Variants in MTDH observed in about 807,000 individuals in gnomAD.
MTDH encodes the protein metadherin.
MTDH carries 34 observed loss-of-function variants against 72.7 expected under a neutral mutation model. That is an observed-to-expected ratio of 0.47 (90% confidence interval 0.36 to 0.62). MTDH has a LOEUF of 0.62. MTDH is among the 20% of genes least tolerant of loss of function. The pLI is 0.00. For synonymous variants in MTDH, 266 were observed against 268.9 expected (o/e 0.99, Z 0.10); for missense variants, 677 against 699.4 (o/e 0.97, Z 0.36).
chr8:97,657,789 G>A (rs1412480398), intron 1 of MTDH, among the ~76,000 whole-genome samples: 2 of 152,146 alleles, frequency 1.3e-5, no homozygotes, highest in African/African-American at 2.4e-5. Context: ...AATTACAGCC[G>A]TGAGCCACTG....
At chr8:97,656,494 G>A (rs1811981880) in intron 1 of MTDH, among the ~76,000 whole-genome samples, 3 of 150,904 alleles carry the variant, frequency 2.0e-5, no homozygotes. Context: ...GTAGAGACGG[G>A]GTTTCACCAT....
chr8:97,666,010 C>T (rs1461066946), intron 2 of MTDH, among the ~76,000 whole-genome samples: 2 of 152,048 alleles, frequency 1.3e-5, no homozygotes, highest in Non-Finnish European at 2.9e-5. Flanking sequence ...CGCCTGTAGT[C>T]CCAGATACTC....
chr8:97,667,477 A>C (rs1255341131), intron 2 of MTDH, among the ~76,000 whole-genome samples: 1 of 152,232 alleles, frequency 6.6e-6, no homozygotes, highest in African/African-American at 2.4e-5. Flanking sequence ...GATTGTCTTG[A>C]GGAAAAACAC....
chr8:97,719,993 A>T (rs980546292), intron 10 of MTDH, among the ~76,000 whole-genome samples: 3 of 148,514 alleles, frequency 2.0e-5, no homozygotes, highest in African/African-American at 7.3e-5. Context: ...TAATTACATC[A>T]TATAAATTCA....
intron 6 of MTDH, among the ~76,000 whole-genome samples, chr8:97,695,452 G>A (rs1038001742): frequency 3.6e-4 from 55 of 152,098 alleles, no homozygotes; most frequent in African/African-American, 1.2e-3. Context: ...TTCATAATTA[G>A]GACATAAATT....
intron 1 of MTDH, among the ~76,000 whole-genome samples, chr8:97,655,209 G>C (rs189267442): frequency 5.3e-4 from 80 of 152,340 alleles, no homozygotes; most frequent in African/African-American, 1.9e-3. Context: ...TTGAGAGTGT[G>C]AGGGAGAGTA....
At chr8:97,714,375 G>A (rs1256421200) in intron 9 of MTDH, among the ~76,000 whole-genome samples, 1 of 152,170 alleles carries the variant, frequency 6.6e-6, no homozygotes, top group Non-Finnish European at 1.5e-5. Context: ...CACATTGGAA[G>A]GCTAAGGCAG....
chr8:97,700,313 CA>C (rs1251255588), intron 7 of MTDH, among the ~76,000 whole-genome samples: 2 of 151,854 alleles, frequency 1.3e-5, no homozygotes, highest in Non-Finnish European at 2.9e-5. Context: ...TCGGAAAGCT[CA>C]TGCCGTCTTC....
chr8:97,682,260 A>G lies in MTDH; in HGVS notation c.484-4408A>G, dbSNP rs1319109593. On this transcript the variant is annotated intron_variant, in intron 2 of 11. Transcript: ENST00000336273. ...TATATATATATATATATATATATAT[A>G]TATATATATATATATATATATTTTT... Among the ~76,000 whole-genome samples, 8 of 5,348 alleles carry G rather than the reference A, an allele frequency of 1.5e-3. 1 individual carries two copies. Among genetic ancestry groups the G allele is most frequent in the African/African-American group, 5.3e-3 (7 of 1,328 alleles). 3.5% of individuals were successfully genotyped at this position (5,348 alleles called of 152,430 possible).
intron 2 of MTDH, among the ~76,000 whole-genome samples, chr8:97,664,701 T>C (rs185209644): frequency 6.7e-5 from 10 of 149,088 alleles, no homozygotes. Context: ...TAGACTTATT[T>C]TCTTTCTTTC....
intron 6 of MTDH, among the ~76,000 whole-genome samples, chr8:97,695,822 A>G (rs1170772155): frequency 6.6e-6 from 1 of 152,248 alleles, no homozygotes; most frequent in Non-Finnish European, 1.5e-5. Flanking sequence ...ATTTGTTGTA[A>G]TGAAAGTCAA....
At chr8:97,709,888 A>G (rs1326090896) in intron 8 of MTDH, among the ~76,000 whole-genome samples, 6 of 152,216 alleles carry the variant, frequency 3.9e-5, no homozygotes, top group South Asian at 2.1e-4. Context: ...ATGGGAGTTA[A>G]AAGTTGTAGA....
chr8:97,695,724 A>C (rs1813810663), intron 6 of MTDH, among the ~76,000 whole-genome samples: 2 of 152,264 alleles, frequency 1.3e-5, no homozygotes, highest in Admixed American at 6.5e-5. Flanking sequence ...ATTAGGTATG[A>C]ATCTCTATTC....
At chr8:97,723,507 G>T (rs1442609754) in intron 11 of MTDH, among the ~76,000 whole-genome samples, 1 of 151,736 alleles carries the variant, frequency 6.6e-6, no homozygotes, top group East Asian at 1.9e-4. Flanking sequence ...ACTTTGAGAG[G>T]CTGAGGCGGG....
chr8:97,704,847 C>T (rs1032550875), intron 7 of MTDH, among the ~76,000 whole-genome samples: 12 of 151,964 alleles, frequency 7.9e-5, no homozygotes, highest in Non-Finnish European at 1.6e-4. Context: ...AAAAATAAGA[C>T]TAGCAGAAAG....
intron 2 of MTDH, among the ~76,000 whole-genome samples, chr8:97,681,914 CATA>C (rs1416971706): frequency 6.6e-6 from 1 of 151,900 alleles, no homozygotes; most frequent in Non-Finnish European, 1.5e-5. Context: ...GTGTCTGACA[CATA>C]GTAGTTATTT....
At chr8:97,722,153 A>T (rs940581104) in intron 10 of MTDH, among the ~76,000 whole-genome samples, 1 of 151,980 alleles carries the variant, frequency 6.6e-6, no homozygotes, top group Non-Finnish European at 1.5e-5. Flanking sequence ...AATCCCAGCT[A>T]CTCAGGAGGT....
At chr8:97,700,870 AATC>A (rs1814092071) in intron 7 of MTDH, among the ~76,000 whole-genome samples, 1 of 152,142 alleles carries the variant, frequency 6.6e-6, no homozygotes, top group Non-Finnish European at 1.5e-5. Flanking sequence ...TGATGATAGT[AATC>A]ATCAAGGTAA....
At position 97,686,665 on chromosome 8, in the gene MTDH, C is replaced by A; in HGVS notation, c.484-3C>A. 1 of 1,536,000 alleles carries A rather than the reference C, an allele frequency of 6.5e-7. No homozygotes were observed. The highest frequency in any genetic ancestry group is 8.8e-7 in the Non-Finnish European group (1 of 1,136,886). On this transcript the variant is annotated splice_polypyrimidine_tract_variant and splice_region_variant and intron_variant, in intron 2 of 11. Coordinates refer to ENST00000336273, the MANE Select transcript of MTDH (RefSeq NM_178812.4). ...ATTAAGTAACATTCTATTTTACTTT[C>A]AGTCAAAGAAAAATAAGAAGAAATC...
Sources: gnomAD v4.1 joint callset for allele counts (sites outside exome capture counted in the v4.1 genomes callset) on GRCh38, gnomAD v4.1.1 for gene constraint, MANE v1.5 for transcripts, NCBI Gene and HGNC (gene_info 2026-07-23, HGNC 2026-07-21) for gene names.